Variants in TMEM145 observed in about 807,000 individuals in gnomAD.
TMEM145 encodes the protein transmembrane protein 145.
A neutral mutation model predicts 68.5 loss-of-function variants in TMEM145; 46 were observed. The ratio of observed to expected loss-of-function variants is 0.67; its 90% confidence interval spans 0.53 to 0.86. TMEM145 has a LOEUF of 0.86. TMEM145 is among the 40% of genes least tolerant of loss of function. The pLI, the probability that TMEM145 is intolerant of heterozygous loss-of-function variation, is 0.00. For missense variants in TMEM145, 570 were observed against 645.8 expected (o/e 0.88, Z 1.27); for synonymous variants, 255 against 280.2 (o/e 0.91, Z 0.90).
chr19:42,321,279 C>T (rs1411523802), intron 13 of TMEM145: 1 of 393,998 alleles, frequency 2.5e-6, no homozygotes, highest in Non-Finnish European at 4.5e-6. Context: ...GGCTGGAGTG[C>T]AGTGGCGCGA....
intron 14 of TMEM145, 101 bp from the exon 15 acceptor site, chr19:42,324,636 T>A: frequency 2.6e-5 from 16 of 613,776 alleles, no homozygotes; most frequent in East Asian, 2.2e-4. Flanking sequence ...TTCCCGACCC[T>A]TCCCACCCCG....
chr19:42,316,434 C>T, intron 8 of TMEM145, 47 bp from the exon 9 acceptor site: 1 of 1,575,222 alleles, frequency 6.3e-7, no homozygotes, highest in Admixed American at 1.7e-5. Context: ...ACAGTGATGC[C>T]CCAGAGCTGC....
At chr19:42,317,241 A>C (rs1258436851) in intron 11 of TMEM145, among the ~76,000 whole-genome samples, 8 of 152,054 alleles carry the variant, frequency 5.3e-5, no homozygotes, top group Non-Finnish European at 1.2e-4. Flanking sequence ...CCTGGATTCC[A>C]CACCAGCTCT....
At position 42,313,366 on chromosome 19, in the gene TMEM145, G is replaced by C. The variant is rs892909179; in HGVS notation, c.-11G>C. On this transcript the variant is annotated 5_prime_UTR_variant, in exon 1 of 15. Coordinates refer to ENST00000301204, the MANE Select transcript of TMEM145 (RefSeq NM_173633.3). The surrounding 1 kb of genome is among the most constrained non-coding windows in gnomAD (Gnocchi z 5.1). ...GGGAGCCGGAGCGGAGCCGGGGCCG[G>C]AGCGGGCGGAATGGAGCCCCTGCGC... is the stretch of plus-strand genomic sequence containing the variant. 1.8e-6 allele frequency: 2 copies of C among 1,105,088 alleles called. No individual in the cohort carries two copies. The highest frequency in any genetic ancestry group is 1.7e-5 in the African/African-American group (1 of 60,516). The allele number at this position is 1,105,088 out of a possible 1,614,324, so 68.5% of individuals were successfully genotyped here.
chr19:42,324,327 G>A (rs2038946838), intron 14 of TMEM145: 2 of 985,096 alleles, frequency 2.0e-6, no homozygotes, highest in Admixed American at 6.1e-5. Flanking sequence ...GTGGCCCCGA[G>A]GGGCCGCGTG....
chr19:42,323,804 C>G lies in TMEM145; in HGVS notation c.1401+15C>G. The G allele has an allele frequency of 2.5e-6, 4 of 1,612,044 alleles. No homozygotes were observed. Among genetic ancestry groups the G allele is most frequent in the Non-Finnish European group, 3.4e-6 (4 of 1,178,498 alleles). The stretch of plus-strand genomic sequence containing the variant: ...CCGCCACCTCCGTAAGCCCCGCGGC[C>G]CCAGCGCCCGAGGAGCTGCTGGCGC... On this transcript the variant is annotated intron_variant, in intron 14 of 14. Coordinates refer to ENST00000301204, the MANE Select transcript of TMEM145 (RefSeq NM_173633.3).
Position 42,323,695 on chromosome 19 carries a change from C to T in TMEM145, c.1307C>T (p.Ala436Val), listed in dbSNP as rs772637902. ...GGAGGGAGCCAATCCGCTGACAAGG[C>T]CTTCCCGCAGCACGTCTATGGGAAC... ...GPGGSQSADK[A>V]FPQHVYGNVT... The change falls in exon 14 of 15, where the codon GCC (alanine) becomes GTC (valine). Residue 436 changes from alanine to valine, a missense_variant. Coordinates refer to ENST00000301204, the MANE Select transcript of TMEM145 (RefSeq NM_173633.3). 6.2e-7 allele frequency: 1 copy of T among 1,614,208 alleles called. No individual in the cohort carries two copies. The highest frequency in any genetic ancestry group is 1.1e-5 in the South Asian group (1 of 91,090).
intron 13 of TMEM145, among the ~76,000 whole-genome samples, chr19:42,323,262 A>C (rs2038928314): frequency 6.6e-6 from 1 of 152,190 alleles, no homozygotes; most frequent in East Asian, 1.9e-4. Flanking sequence ...GTGTGACCAA[A>C]ATTTAAATTT....
chr19:42,320,213 G>C, intron 12 of TMEM145, 104 bp from the exon 13 acceptor site: 1 of 1,502,360 alleles, frequency 6.7e-7, no homozygotes, highest in East Asian at 2.3e-5. Flanking sequence ...TCCAGTTTGG[G>C]ACCTGCCTGG....
At position 42,313,414 on chromosome 19, in the gene TMEM145, T is replaced by A; in HGVS notation, c.38T>A (p.Leu13Gln). 7.3e-7 allele frequency: 1 copy of A among 1,364,518 alleles called. No homozygotes were observed. Among genetic ancestry groups the A allele is most frequent in the South Asian group, 1.8e-5 (1 of 55,612 alleles). 84.5% of individuals were successfully genotyped at this position (1,364,518 alleles called of 1,614,324 possible). Residue 13 changes from leucine to glutamine, a missense_variant, in exon 1 of 15, where the codon CTG becomes CAG. By Grantham distance (113) the Leu-to-Gln change is moderately radical. Transcript: ENST00000301204. This position sits in a 1 kb window ranked among gnomAD's most constrained non-coding sequence, Gnocchi z 5.1. ...CGCGCGCCCGCGCTGCGCCGCCTGC[T>A]GCCGCCGCTGCTGCTCCTGCTGCTG... ...PLRAPALRRL[L>Q]PPLLLLLLSL...
intron 5 of TMEM145, 24 bp from the exon 6 acceptor site, chr19:42,314,969 C>CT: frequency 6.2e-7 from 1 of 1,613,980 alleles, no homozygotes. Flanking sequence ...CAGGGCCCCC[C>CT]TTAGGCCTCC....
chr19:42,320,564 C>T, intron 13 of TMEM145, 127 bp downstream of exon 13: 1 of 1,362,452 alleles, frequency 7.3e-7, no homozygotes, highest in Non-Finnish European at 1.0e-6. Context: ...TAGTCATTCT[C>T]CCTTTATTGA....
chr19:42,313,512 C>G lies in TMEM145; in HGVS notation c.120+16C>G, dbSNP rs2038823781. The G allele has an allele frequency of 7.9e-7, 1 of 1,271,662 alleles. No individual in the cohort carries two copies. The highest frequency in any genetic ancestry group is 1.0e-6 in the Non-Finnish European group (1 of 1,002,152). The allele number at this position is 1,271,662 out of a possible 1,614,324, so 78.8% of individuals were successfully genotyped here. ...TTCCAAGGAGGTGAGCATGCCGAGCCCTCCTCTGCGGCCCGCCGGCCCCCG... is the reference window on the plus strand; with the variant it reads ...TTCCAAGGAGGTGAGCATGCCGAGCGCTCCTCTGCGGCCCGCCGGCCCCCG... On this transcript the variant is annotated intron_variant, in intron 1 of 14. Transcript: ENST00000301204. The surrounding 1 kb of genome is among the most constrained non-coding windows in gnomAD (Gnocchi z 5.1).
intron 12 of TMEM145, among the ~76,000 whole-genome samples, chr19:42,318,112 A>C (rs531972332): frequency 6.6e-6 from 1 of 152,184 alleles, no homozygotes; most frequent in East Asian, 1.9e-4. Context: ...TCACGCCTGT[A>C]ATCCCAGCCC....
At chr19:42,317,328 TC>T (rs2147416912) in intron 11 of TMEM145, among the ~76,000 whole-genome samples, 1 of 152,288 alleles carries the variant, frequency 6.6e-6, no homozygotes. Flanking sequence ...ATTGGGAGGA[TC>T]TTACCTACCC....
rs550219729 is a variant in TMEM145, at chr19:42,324,370, C to G, written c.1402-367C>G. On this transcript the variant is annotated intron_variant, in intron 14 of 14. Transcript: ENST00000301204. ...TGGCCGAGCCGGGCGCAGCCTCCCC[C>G]CCACTTCCCGCTCGGTTCCCCAAGG... The G allele has an allele frequency of 5.1e-6, 5 of 985,276 alleles. No homozygotes were observed. The East Asian group carries it at 3.4e-4, about 67-fold the overall frequency. 61.0% of individuals were successfully genotyped at this position (985,276 alleles called of 1,614,324 possible). A position where few individuals can be genotyped will look rare whatever the true frequency, so the allele number is the denominator to read the frequency against.
chr19:42,318,250 C>A (rs1400486495), intron 12 of TMEM145, among the ~76,000 whole-genome samples: 1 of 151,830 alleles, frequency 6.6e-6, no homozygotes, highest in Non-Finnish European at 1.5e-5. Context: ...CACCTGTAGT[C>A]CCAGCTGCTG....
intron 1 of TMEM145, 112 bp from the exon 2 acceptor site, chr19:42,314,160 C>T (rs1279537238): frequency 2.2e-5 from 24 of 1,112,616 alleles, no homozygotes; most frequent in Non-Finnish European, 3.2e-5. Context: ...TGGTCTCCTT[C>T]TAGTACTTGG....
chr19:42,323,898 C>T, intron 14 of TMEM145, 109 bp downstream of exon 14: 1 of 986,656 alleles, frequency 1.0e-6, no homozygotes, highest in Non-Finnish European at 1.5e-6. Context: ...CCTGAGCCCT[C>T]CTCCTGCCTT....
Sources: gnomAD v4.1 joint callset for allele counts (sites outside exome capture counted in the v4.1 genomes callset) on GRCh38, gnomAD v4.1.1 for gene constraint, Gnocchi (gnomAD v3.1) non-coding constraint, MANE v1.5 for transcripts, NCBI Gene and HGNC (gene_info 2026-07-23, HGNC 2026-07-21) for gene names.